The following SIGIRR variants were observed in gnomAD, a reference collection of about 807,000 sequenced individuals.
SIGIRR encodes the protein single Ig IL-1-related receptor.
SIGIRR carries 41 observed loss-of-function variants against 45.6 expected under a neutral mutation model. That is an observed-to-expected ratio of 0.90 (90% CI 0.70 to 1.17). SIGIRR has a LOEUF of 1.17. Ranked by LOEUF, SIGIRR falls within the 50% of genes most tolerant of loss-of-function variation. The probability of loss-of-function intolerance (pLI) is 0.00; values close to 1 mark genes in which losing one functional copy is unlikely to be tolerated. For synonymous variants in SIGIRR, 298 were observed against 239.0 expected (o/e 1.25, Z -2.28); for missense variants, 599 against 539.6 (o/e 1.11, Z -1.09).
chr11:414,598 C>G (rs1564896091), intron 1 of SIGIRR, among the ~76,000 whole-genome samples: 1 of 152,126 alleles, frequency 6.6e-6, no homozygotes, highest in South Asian at 2.1e-4. Context: ...ATATACAACA[C>G]CCATTGCAAC....
At chr11:410,863 G>A (rs1463618791) in intron 1 of SIGIRR, among the ~76,000 whole-genome samples, 1 of 50,236 alleles carries the variant, frequency 2.0e-5, no homozygotes, top group African/African-American at 8.5e-5. Flanking sequence ...GGATACAGTC[G>A]GCGGGGGTGC....
In SIGIRR at chr11:408,004, C is replaced by T. The variant is rs764934818; in HGVS notation, c.341-47G>A. 11 of 1,603,672 alleles carry T rather than the reference C, an allele frequency of 6.9e-6. No homozygotes were observed. In the African/African-American group the frequency reaches 1.3e-4, roughly 20 times the overall value. On this transcript the variant is annotated intron_variant, in intron 4 of 9. Coordinates refer to ENST00000431843, the MANE Select transcript of SIGIRR (RefSeq NM_001135054.2). Reference sequence around the variant, plus strand: ...CGCTGCCCCTCCAGCAGCCCCCAAGCCTCAAGATCCCTGGGCCTCACTAGG... The same window carrying T: ...CGCTGCCCCTCCAGCAGCCCCCAAGTCTCAAGATCCCTGGGCCTCACTAGG...
rs1847299118 is a variant in SIGIRR, at chr11:406,341, G to A, written c.1069+8C>T. ...CTCCAGTTGGGGAGTGGGGCTGGGCGGGCATACCCAGGTCGCCCTCAGGGT... is the reference window on the plus strand; with the variant it reads ...CTCCAGTTGGGGAGTGGGGCTGGGCAGGCATACCCAGGTCGCCCTCAGGGT... On this transcript the variant is annotated splice_region_variant and intron_variant, in intron 9 of 9. Coordinates refer to ENST00000431843, the MANE Select transcript of SIGIRR (RefSeq NM_001135054.2). The A allele has an allele frequency of 6.2e-7, 1 of 1,611,748 alleles. No individual in the cohort carries two copies. Among genetic ancestry groups the A allele is most frequent in the Non-Finnish European group, 8.5e-7 (1 of 1,179,472 alleles).
chr11:407,709 C>A, intron 5 of SIGIRR, 108 bp downstream of exon 5: 2 of 1,570,036 alleles, frequency 1.3e-6, no homozygotes, highest in Non-Finnish European at 1.7e-6. Context: ...GCACAGAGCA[C>A]CCGGGGGCTA....
chr11:408,247 C>G, intron 3 of SIGIRR, 41 bp from the exon 4 acceptor site: 1 of 1,605,746 alleles, frequency 6.2e-7, no homozygotes, highest in Non-Finnish European at 8.5e-7. Context: ...CTGGGGATAC[C>G]AGTGGACACC....
Position 406,939 on chromosome 11 carries a change from G to C in SIGIRR, c.783C>G (p.Phe261Leu). The C allele has an allele frequency of 6.2e-7, 1 of 1,601,692 alleles. No individual in the cohort carries two copies. Among genetic ancestry groups the C allele is most frequent in the Non-Finnish European group, 8.5e-7 (1 of 1,177,874 alleles). The stretch of plus-strand genomic sequence containing the variant: ...GCGCGGGGTCGCGCCTCTGGCCCTC[G>C]AAGGTGATGAAGATGGGTCTGCGGG... ...ELTRRPIFIT[F>L]EGQRRDPAHP... is the part of the protein sequence containing the mutation. The change falls in exon 8 of 10, where the codon TTC (phenylalanine) becomes TTG (leucine). Residue 261 changes from phenylalanine to leucine, a missense_variant. Physicochemically the swap from Phe to Leu is conservative, Grantham distance 22. Transcript: ENST00000431843.
At chr11:407,352 G>GGTGGGACGGAGC in intron 6 of SIGIRR, 73 bp downstream of exon 6, 1 of 1,292,700 alleles carries the variant, frequency 7.7e-7, no homozygotes, top group Non-Finnish European at 1.0e-6. Flanking sequence ...TGGGGCCCCG[G>GGTGGGACGGAGC]GTGGGACGGA....
chr11:406,185 G>C, intron 9 of SIGIRR, 126 bp from the exon 10 acceptor site: 1 of 1,537,690 alleles, frequency 6.5e-7, no homozygotes, highest in Middle Eastern at 1.7e-4. Flanking sequence ...TTCCCAGGCA[G>C]ACCGAGGGCC....
intron 3 of SIGIRR, 147 bp downstream of exon 3, chr11:408,548 T>G: frequency 1.0e-6 from 1 of 963,322 alleles, no homozygotes; most frequent in Non-Finnish European, 1.6e-6. Context: ...GTCCCTGACA[T>G]TACTGACCCT....
rs757453802 is a variant in SIGIRR, at chr11:407,154, G to A, written c.636C>T (p.Ala212=). ...RDLLPRAEPS[A]DLLVNLSRCR... ...AGCGGCTCAGGTTCACCAAGAGGTC[G>A]GCGGAGGGCTCTGCGGGAGGGCGGG... Residue 212 remains alanine, a synonymous_variant, in exon 7 of 10, where the codon GCC becomes GCT. Transcript: ENST00000431843. 5.9e-6 allele frequency: 9 copies of A among 1,514,376 alleles called. No homozygotes were observed. In the African/African-American group the frequency reaches 1.2e-4, roughly 20 times the overall value. 93.8% of individuals were successfully genotyped at this position (1,514,376 alleles called of 1,614,324 possible).
At chr11:417,002 C>A (rs1052680457), upstream of SIGIRR, among the ~76,000 whole-genome samples, 1 of 152,180 alleles carries the variant, frequency 6.6e-6, no homozygotes, top group Non-Finnish European at 1.5e-5. This position sits in a 1 kb window ranked among gnomAD's most constrained non-coding sequence, Gnocchi z 4.2. Flanking sequence ...GAGGTGGGAT[C>A]CCTGCGCGCC....
At position 405,857 on chromosome 11, in the gene SIGIRR, C is replaced by A. The variant is rs753137925; in HGVS notation, c.*39G>T. The A allele has an allele frequency of 1.9e-6, 3 of 1,549,950 alleles. No individual in the cohort carries two copies. Among genetic ancestry groups the A allele is most frequent in the African/African-American group, 1.4e-5 (1 of 73,394 alleles). ...CAGAGGAGCGACGCCGCTGCCCTGG[C>A]CCCCGCTGTCCCTATGATCCTGCAC... On this transcript the variant is annotated 3_prime_UTR_variant, in exon 10 of 10. Transcript: ENST00000431843.
chr11:405,741 TG>T lies in SIGIRR; in HGVS notation c.*154del. The T allele has an allele frequency of 1.2e-6, 1 of 848,120 alleles. No homozygotes were observed. The highest frequency in any genetic ancestry group is 1.8e-6 in the Non-Finnish European group (1 of 570,878). 52.5% of individuals were successfully genotyped at this position (848,120 alleles called of 1,614,324 possible). On this transcript the variant is annotated 3_prime_UTR_variant, in exon 10 of 10. Transcript: ENST00000431843. Reference sequence around the variant, plus strand: ...CAGAATCCAAAAGGACTTTATTTTCTGGCACTGGGAGGCGCCCTGAGGCCAC... The same window carrying T: ...CAGAATCCAAAAGGACTTTATTTTCTGCACTGGGAGGCGCCCTGAGGCCAC...
chr11:417,114 T>C (rs1847908848), upstream of SIGIRR, among the ~76,000 whole-genome samples: 2 of 151,844 alleles, frequency 1.3e-5, no homozygotes, highest in African/African-American at 2.4e-5. The surrounding 1 kb of genome is among the most constrained non-coding windows in gnomAD (Gnocchi z 4.2). Context: ...TCGCCCACTT[T>C]CCTCCCTTCC....
chr11:406,408 C>CAG lies in SIGIRR; in HGVS notation c.1009_1010insCT (p.Arg337ProfsTer130). The CAG allele has an allele frequency of 6.2e-7, 1 of 1,612,714 alleles. No individual in the cohort carries two copies. Among genetic ancestry groups the CAG allele is most frequent in the South Asian group, 1.1e-5 (1 of 91,086 alleles). ...GTCCAGGGCCCGGCCCTCAGGGACTCGGCCTCGAAGAATCAGCATGGGGTC... is the reference window on the plus strand; with the variant it reads ...GTCCAGGGCCCGGCCCTCAGGGACTCAGGGCCTCGAAGAATCAGCATGGGGTC... On this transcript the variant is annotated frameshift_variant, in exon 9 of 10. Coordinates refer to ENST00000431843, the MANE Select transcript of SIGIRR (RefSeq NM_001135054.2). LOFTEE classifies it high-confidence loss of function.
At chr11:412,870 G>T (rs563409892) in intron 1 of SIGIRR, among the ~76,000 whole-genome samples, 1 of 152,112 alleles carries the variant, frequency 6.6e-6, no homozygotes, top group African/African-American at 2.4e-5. Context: ...GGTGAACAGC[G>T]CCCGGTGGGG....
At chr11:413,329 G>A (rs930726285) in intron 1 of SIGIRR, among the ~76,000 whole-genome samples, 13 of 152,062 alleles carry the variant, frequency 8.5e-5, no homozygotes, top group Admixed American at 7.2e-4. Context: ...ATGGCCAGGG[G>A]GTCCTTGAAG....
intron 8 of SIGIRR, 141 bp from the exon 9 acceptor site, chr11:406,679 C>T (rs1847321946): frequency 5.7e-6 from 8 of 1,402,826 alleles, no homozygotes; most frequent in Non-Finnish European, 5.6e-6. Flanking sequence ...GCCTCAAGGG[C>T]GGCTCCCCGC....
At chr11:412,831 A>T (rs1590390240) in intron 1 of SIGIRR, among the ~76,000 whole-genome samples, 1 of 152,128 alleles carries the variant, frequency 6.6e-6, no homozygotes, top group African/African-American at 2.4e-5. Context: ...CCCTCAGCTT[A>T]GCCTCGCCCT....
Sources: gnomAD v4.1 joint callset for allele counts (sites outside exome capture counted in the v4.1 genomes callset) on GRCh38, gnomAD v4.1.1 for gene constraint, Gnocchi (gnomAD v3.1) non-coding constraint, MANE v1.5 for transcripts, NCBI Gene and HGNC (gene_info 2026-07-23, HGNC 2026-07-21) for gene names.